The following SCRG1 variants were observed in gnomAD, a reference collection of about 807,000 sequenced individuals.
SCRG1 encodes the protein stimulator of chondrogenesis 1, also known as scrapie-responsive protein 1.
SCRG1 carries 3 observed loss-of-function variants against 7.7 expected under a neutral mutation model. That is an observed-to-expected ratio of 0.39 (90% CI 0.18 to 1.01). The LOEUF is 1.01. Ranked by LOEUF, SCRG1 falls within the 50% of genes least tolerant of loss-of-function variation. The pLI is 0.36. For missense variants in SCRG1, 110 were observed against 117.2 expected, an observed-to-expected ratio of 0.94 and a Z score of 0.28; for synonymous variants, 46 against 41.2, an observed-to-expected ratio of 1.12 and a Z score of -0.44.
chr4:173,504,710 TG>T, the SCRG1 span, among the ~76,000 whole-genome samples: 7 of 152,354 alleles, frequency 4.6e-5, no homozygotes, highest in South Asian at 1.4e-3. The surrounding 1 kb of genome is among the most constrained non-coding windows in gnomAD (Gnocchi z 4.7). Context: ...CTGGAGTCCC[TG>T]CCAGGAGAGG....
the SCRG1 span, among the ~76,000 whole-genome samples, chr4:173,417,151 GACAC>G: frequency 3.7e-3 from 555 of 150,414 alleles, 1 homozygote; most frequent in South Asian, 6.3e-3. Flanking sequence ...CAGACAGACA[GACAC>G]ACACACACAG....
At chr4:173,505,095 G>T in the SCRG1 span, among the ~76,000 whole-genome samples, 1 of 152,090 alleles carries the variant, frequency 6.6e-6, no homozygotes, top group African/African-American at 2.4e-5. This position sits in a 1 kb window ranked among gnomAD's most constrained non-coding sequence, Gnocchi z 4.4. Context: ...GGTTAAAAAC[G>T]CCCATTAAAT....
the SCRG1 span, among the ~76,000 whole-genome samples, chr4:173,484,460 A>C: frequency 1.5e-4 from 3 of 19,448 alleles, no homozygotes; most frequent in Non-Finnish European, 3.9e-4. Context: ...TATATATTAT[A>C]TACATATAAT....
chr4:173,515,216 C>T, the SCRG1 span, among the ~76,000 whole-genome samples: 2 of 152,156 alleles, frequency 1.3e-5, no homozygotes, highest in African/African-American at 4.8e-5. The surrounding 1 kb of genome is among the most constrained non-coding windows in gnomAD (Gnocchi z 4.6). Context: ...AGGATTTTTC[C>T]AAGATGGCAA....
chr4:173,482,160 T>C, the SCRG1 span, among the ~76,000 whole-genome samples: 5 of 152,340 alleles, frequency 3.3e-5, no homozygotes, highest in Admixed American at 3.3e-4. Flanking sequence ...GGAAATGGCA[T>C]GGGACTGGGA....
At chr4:173,514,961 C>G in the SCRG1 span, among the ~76,000 whole-genome samples, 1 of 152,190 alleles carries the variant, frequency 6.6e-6, no homozygotes. Flanking sequence ...CGCCCCAAAA[C>G]ACAAAATCAG....
chr4:173,428,965 T>A, the SCRG1 span, among the ~76,000 whole-genome samples: 94 of 152,350 alleles, frequency 6.2e-4, no homozygotes, highest in African/African-American at 2.1e-3. Flanking sequence ...TATTACTCAA[T>A]TCAGTAATAT....
At chr4:173,451,025 T>G in the SCRG1 span, among the ~76,000 whole-genome samples, 1 of 152,092 alleles carries the variant, frequency 6.6e-6, no homozygotes, top group Non-Finnish European at 1.5e-5. Flanking sequence ...TGCCTCTCTT[T>G]GGTTTGAGGT....
the SCRG1 span, among the ~76,000 whole-genome samples, chr4:173,502,486 C>T: frequency 2.0e-5 from 3 of 152,170 alleles, no homozygotes; most frequent in African/African-American, 4.8e-5. The surrounding 1 kb of genome is among the most constrained non-coding windows in gnomAD (Gnocchi z 4.6). Flanking sequence ...GTTCATGTGA[C>T]GGAGAGGATG....
chr4:173,483,486 T>TATATTATATTCTGATATATAAC, the SCRG1 span, among the ~76,000 whole-genome samples: 4 of 86,264 alleles, frequency 4.6e-5, no homozygotes, highest in African/African-American at 2.4e-4. Flanking sequence ...TGATATATAA[T>TATATTATATTCTGATATATAAC]ATATTATATA....
At chr4:173,487,868 C>T in the SCRG1 span, among the ~76,000 whole-genome samples, 2 of 151,758 alleles carry the variant, frequency 1.3e-5, no homozygotes, top group Non-Finnish European at 1.5e-5. Context: ...TTTGGGAGGC[C>T]GAGGTGGGCA....
chr4:173,481,150 T>C, the SCRG1 span, among the ~76,000 whole-genome samples: 2 of 152,134 alleles, frequency 1.3e-5, no homozygotes, highest in African/African-American at 4.8e-5. Context: ...AGCAACAAAA[T>C]GGCAATAATT....
the SCRG1 span, among the ~76,000 whole-genome samples, chr4:173,509,308 C>G: frequency 3.3e-5 from 5 of 152,130 alleles, no homozygotes; most frequent in Admixed American, 2.0e-4. The surrounding 1 kb of genome is among the most constrained non-coding windows in gnomAD (Gnocchi z 5.7). Flanking sequence ...GGACTGAAGG[C>G]GGCATCTGCC....
At chr4:173,506,909 C>T in the SCRG1 span, among the ~76,000 whole-genome samples, 2 of 152,186 alleles carry the variant, frequency 1.3e-5, no homozygotes, top group Non-Finnish European at 2.9e-5. This position sits in a 1 kb window ranked among gnomAD's most constrained non-coding sequence, Gnocchi z 5.3. Flanking sequence ...CGCTTCTCCC[C>T]GGCCGGGCTC....
the SCRG1 span, among the ~76,000 whole-genome samples, chr4:173,517,382 C>A: frequency 6.6e-6 from 1 of 152,168 alleles, no homozygotes; most frequent in African/African-American, 2.4e-5. Flanking sequence ...AGGGGGCGAG[C>A]GGGAGTTTTG....
the SCRG1 span, among the ~76,000 whole-genome samples, chr4:173,444,067 A>G: frequency 6.6e-6 from 1 of 151,062 alleles, no homozygotes; most frequent in Non-Finnish European, 1.5e-5. Context: ...TCTGCCTTCC[A>G]GTTTCAAGAG....
chr4:173,409,752 C>G (rs555535819), upstream of SCRG1, among the ~76,000 whole-genome samples: 16 of 152,150 alleles, frequency 1.1e-4, no homozygotes, highest in African/African-American at 3.4e-4. Flanking sequence ...CTGCACCCAG[C>G]TAATTTTTGT....
chr4:173,448,039 G>A, the SCRG1 span, among the ~76,000 whole-genome samples: 11 of 152,172 alleles, frequency 7.2e-5, no homozygotes, highest in East Asian at 1.9e-4. Context: ...GGGAGGCAGA[G>A]GTTCCTGTGA....
the SCRG1 span, among the ~76,000 whole-genome samples, chr4:173,425,604 C>CT: frequency 2.0e-5 from 3 of 152,164 alleles, no homozygotes; most frequent in Non-Finnish European, 4.4e-5. Context: ...GCTCTGTATT[C>CT]TTTTAGTCCA....
Sources: allele counts gnomAD v4.1 joint callset (sites outside exome capture counted in the v4.1 genomes callset), GRCh38; gene constraint gnomAD v4.1.1; non-coding constraint Gnocchi (gnomAD v3.1); transcripts MANE v1.5; gene names NCBI Gene and HGNC (gene_info 2026-07-23, HGNC 2026-07-21).